SPATS2L: variants seen among roughly 807,000 people sequenced by gnomAD.
The protein encoded by SPATS2L is spermatogenesis associated serine rich 2 like.
In SPATS2L, 30 loss-of-function variants were observed where a neutral mutation model predicts 59.6. The observed-to-expected ratio is 0.50, with a 90% CI of 0.38 to 0.68. SPATS2L has a LOEUF of 0.68. Among genes scored for constraint, SPATS2L ranks in the 30% least tolerant of loss-of-function variants. The probability of loss-of-function intolerance (pLI) is 0.00; values close to 1 mark genes in which losing one functional copy is unlikely to be tolerated. For missense variants in SPATS2L, 615 were observed against 700.0 expected (o/e 0.88, Z 1.37); for synonymous variants, 252 against 263.5 (o/e 0.96, Z 0.42).
intron 3 of SPATS2L, among the ~76,000 whole-genome samples, chr2:200,401,053 G>A (rs1183638354): frequency 1.3e-5 from 2 of 152,186 alleles, no homozygotes; most frequent in African/African-American, 2.4e-5. Flanking sequence ...CCAAAGCCAG[G>A]TGATTCTGCT....
In SPATS2L at chr2:200,479,441, G is replaced by GA. The variant is rs937545502; in HGVS notation, c.*1411dup. On this transcript the variant is annotated 3_prime_UTR_variant, in exon 13 of 13. Coordinates refer to ENST00000409140, the MANE Select transcript of SPATS2L (RefSeq NM_001100423.2). ...CTCTTAAACCAATCATGAAAGGGGG[G>GA]AGAGAAGTGAATGGGATGAACTAAT... The GA allele has an allele frequency of 2.5e-6, 1 of 397,768 alleles. No individual in the cohort carries two copies. Among genetic ancestry groups the GA allele is most frequent in the African/African-American group, 2.1e-5 (1 of 48,736 alleles). 24.6% of individuals were successfully genotyped at this position (397,768 alleles called of 1,614,324 possible).
chr2:200,383,054 C>A (rs1345420282), intron 2 of SPATS2L, among the ~76,000 whole-genome samples: 1 of 152,084 alleles, frequency 6.6e-6, no homozygotes, highest in Non-Finnish European at 1.5e-5. Flanking sequence ...GAATACCCTG[C>A]GGGGCTTGTT....
intron 6 of SPATS2L, among the ~76,000 whole-genome samples, chr2:200,434,894 T>C (rs1210318472): frequency 2.6e-5 from 4 of 152,032 alleles, no homozygotes; most frequent in Non-Finnish European, 5.9e-5. Flanking sequence ...GTCAAAACAA[T>C]CTTGAAAAAG....
chr2:200,396,206 G>A (rs2105943488), intron 3 of SPATS2L, among the ~76,000 whole-genome samples: 1 of 151,622 alleles, frequency 6.6e-6, no homozygotes, highest in East Asian at 1.9e-4. Flanking sequence ...ACAATACGAT[G>A]ATATGGAAAT....
At chr2:200,356,387 T>C (rs966017174) in intron 2 of SPATS2L, among the ~76,000 whole-genome samples, 1 of 152,198 alleles carries the variant, frequency 6.6e-6, no homozygotes, top group South Asian at 2.1e-4. Context: ...CTAGTGCCAT[T>C]TTCTGAGACA....
chr2:200,471,208 C>G (rs1046848254), intron 11 of SPATS2L, among the ~76,000 whole-genome samples: 2 of 152,124 alleles, frequency 1.3e-5, no homozygotes, highest in Non-Finnish European at 1.5e-5. Flanking sequence ...TGCGAGCATC[C>G]TTGTCCACAC....
rs374826787 is a variant in SPATS2L, at chr2:200,324,835, T to C, written c.-72-4596T>C. On this transcript the variant is annotated intron_variant, in intron 1 of 12. Coordinates refer to ENST00000409140, the MANE Select transcript of SPATS2L (RefSeq NM_001100423.2). ...ACAATTTCAATACAGCAGAAGACTT[T>C]GGAGAGTCCCTTGGAGTGAGCTGAA... is the stretch of plus-strand genomic sequence containing the variant. Among the ~76,000 whole-genome samples, 56 of 152,310 alleles carry C rather than the reference T, an allele frequency of 3.7e-4. No homozygotes were observed. The East Asian group carries it at 9.4e-3, about 26-fold the overall frequency.
chr2:200,335,728 C>T (rs1211846371), intron 2 of SPATS2L, among the ~76,000 whole-genome samples: 1 of 152,076 alleles, frequency 6.6e-6, no homozygotes, highest in Non-Finnish European at 1.5e-5. Context: ...GGATATGCAC[C>T]CCAGGGAGCA....
At chr2:200,367,141 G>A (rs1408011385) in intron 2 of SPATS2L, among the ~76,000 whole-genome samples, 4 of 152,152 alleles carry the variant, frequency 2.6e-5, no homozygotes, top group African/African-American at 9.7e-5. Context: ...ATAAATTTTA[G>A]TCTGTATTTC....
chr2:200,314,838 A>G (rs2079313854), intron 1 of SPATS2L, among the ~76,000 whole-genome samples: 1 of 143,564 alleles, frequency 7.0e-6, no homozygotes, highest in Non-Finnish European at 1.6e-5. Flanking sequence ...GAGACTATAT[A>G]AAAAAATGTA....
chr2:200,406,334 C>T (rs542747873), intron 3 of SPATS2L, among the ~76,000 whole-genome samples: 1 of 151,918 alleles, frequency 6.6e-6, no homozygotes, highest in East Asian at 1.9e-4. Flanking sequence ...TATTTCCAGC[C>T]CCGGCTATTA....
Position 200,478,530 on chromosome 2 carries a change from A to G in SPATS2L, c.*499A>G, listed in dbSNP as rs1432844671. On this transcript the variant is annotated 3_prime_UTR_variant, in exon 13 of 13. Transcript: ENST00000409140. The stretch of plus-strand genomic sequence containing the variant: ...AACAAATTAAAATATGCTGCATTTG[A>G]CACCTGGCTAGTTTCTTTTATTGAT... 4 of 152,708 alleles carry G rather than the reference A, an allele frequency of 2.6e-5. No homozygotes were observed. Among genetic ancestry groups the G allele is most frequent in the African/African-American group, 9.6e-5 (4 of 41,452 alleles). The allele number at this position is 152,708 out of a possible 1,614,324, so 9.5% of individuals were successfully genotyped here.
intron 2 of SPATS2L, chr2:200,373,370 G>A (rs995154593): frequency 2.6e-5 from 4 of 151,814 alleles, no homozygotes; most frequent in African/African-American, 9.7e-5. Flanking sequence ...AACATCTAGA[G>A]GGGTCGCATT....
rs530896304 is a variant in SPATS2L, at chr2:200,384,362, T to G, written c.-22-4861T>G. 1.6e-3 allele frequency among the ~76,000 whole-genome samples: 239 copies of G among 152,048 alleles called. 1 individual carries two copies. The highest frequency in any genetic ancestry group is 5.1e-3 in the African/African-American group (213 of 41,442). On this transcript the variant is annotated intron_variant, in intron 2 of 12. Coordinates refer to ENST00000409140, the MANE Select transcript of SPATS2L (RefSeq NM_001100423.2). ...TTTATTTATTTATTTATTTATTTAT[T>G]TATTTATTTGAGATGGAGTCTTGCT... is the stretch of plus-strand genomic sequence containing the variant.
intron 3 of SPATS2L, among the ~76,000 whole-genome samples, chr2:200,392,431 C>T (rs2082200176): frequency 6.6e-6 from 1 of 152,186 alleles, no homozygotes; most frequent in Non-Finnish European, 1.5e-5. Flanking sequence ...CTGTGTATCT[C>T]TTCTCTCTTG....
Position 200,428,335 on chromosome 2 carries a change from G to A in SPATS2L, c.445+8839G>A, listed in dbSNP as rs959686368. On this transcript the variant is annotated intron_variant, in intron 6 of 12. Transcript: ENST00000409140. ...TTTCCCTTTAGCAGTATTCAGCATT[G>A]TTAACCACCCTATCCTTAACTCTAT... 2.0e-5 allele frequency among the ~76,000 whole-genome samples: 3 copies of A among 152,034 alleles called. No homozygotes were observed. In the South Asian group the frequency reaches 6.2e-4, roughly 31 times the overall value.
At chr2:200,459,622 G>A (rs2086096089) in intron 8 of SPATS2L, 147 bp from the exon 9 acceptor site, 2 of 635,306 alleles carry the variant, frequency 3.1e-6, no homozygotes, top group African/African-American at 3.7e-5. Flanking sequence ...TGGAGAGGCA[G>A]AGTGTACTGC....
chr2:200,351,302 G>A, intron 2 of SPATS2L: 1 of 471,424 alleles, frequency 2.1e-6, no homozygotes, highest in Non-Finnish European at 4.4e-6. Context: ...TAAGTACCGG[G>A]AATACAGAGG....
chr2:200,365,565 A>G lies in SPATS2L; in HGVS notation c.-22-23658A>G, dbSNP rs560456210. Among the ~76,000 whole-genome samples the G allele has an allele frequency of 9.8e-5, 15 of 152,342 alleles. No homozygotes were observed. In the South Asian group the frequency reaches 2.5e-3, roughly 25 times the overall value. ...ATACTCAGGCTAACAAAGTTTTAATATGGATAATGGATTAGCCAGAAACAT... is the reference window on the plus strand; with the variant it reads ...ATACTCAGGCTAACAAAGTTTTAATGTGGATAATGGATTAGCCAGAAACAT... On this transcript the variant is annotated intron_variant, in intron 2 of 12. Transcript: ENST00000409140.
Sources: allele counts gnomAD v4.1 joint callset (sites outside exome capture counted in the v4.1 genomes callset), GRCh38; gene constraint gnomAD v4.1.1; transcripts MANE v1.5; gene names NCBI Gene and HGNC (gene_info 2026-07-23, HGNC 2026-07-21).